STIMATE: variants seen among roughly 807,000 people sequenced by gnomAD.
STIMATE encodes store-operated calcium entry regulator STIMATE.
STIMATE carries 15 observed loss-of-function variants against 36.7 expected under a neutral mutation model. The ratio of observed to expected loss-of-function variants is 0.41; its 90% CI spans 0.27 to 0.63. The LOEUF (loss-of-function observed/expected upper bound fraction) is 0.63, where lower values mean the gene tolerates loss of function less well. STIMATE is among the 20% of genes least tolerant of loss of function. STIMATE has a pLI of 0.32. For synonymous variants in STIMATE, 163 were observed against 162.3 expected, an observed-to-expected ratio of 1.00 and a Z score of -0.03; for missense variants, 305 against 397.3, an observed-to-expected ratio of 0.77 and a Z score of 1.98.
intron 6 of STIMATE, chr3:52,843,248 G>A (rs1365724136): frequency 6.3e-6 from 3 of 477,690 alleles, no homozygotes; most frequent in East Asian, 4.1e-5. Flanking sequence ...CAAGGTCTCT[G>A]GACACGCGTT....
chr3:52,889,144 C>T (rs1346131589), intron 1 of STIMATE, among the ~76,000 whole-genome samples: 2 of 152,172 alleles, frequency 1.3e-5, no homozygotes, highest in Non-Finnish European at 2.9e-5. Flanking sequence ...AGTAAGTCAG[C>T]GGAGAAGGCT....
chr3:52,874,249 GTACA>G (rs1701461928), intron 1 of STIMATE, among the ~76,000 whole-genome samples: 1 of 152,122 alleles, frequency 6.6e-6, no homozygotes, highest in Non-Finnish European at 1.5e-5. Context: ...GAGTTTTATG[GTACA>G]TAAATTATAC....
At chr3:52,895,981 T>C (rs1306436680) in intron 1 of STIMATE, 4 of 1,286,746 alleles carry the variant, frequency 3.1e-6, no homozygotes, top group Non-Finnish European at 3.0e-6. Context: ...GGTATTTGTT[T>C]AGCAGAGAAA....
chr3:52,838,858 A>G lies in STIMATE; in HGVS notation c.*1636T>C, dbSNP rs2336155. ...GAAACACGTGCTCATGCAGGTCTAA[A>G]AGGAAGGTCCTAAGTGGAGTGGCCT... On this transcript the variant is annotated 3_prime_UTR_variant, in exon 8 of 8. Coordinates refer to ENST00000355083, the MANE Select transcript of STIMATE (RefSeq NM_198563.5). The G allele has an allele frequency of 0.89, 135,581 of 152,294 alleles. 62,249 individuals are homozygous for G. Among genetic ancestry groups the G allele is most frequent in the Non-Finnish European group, 1 (67,965 of 68,052 alleles). The allele number at this position is 152,294 out of a possible 1,614,324, so 9.4% of individuals were successfully genotyped here. A position where few individuals can be genotyped will look rare whatever the true frequency, so the allele number is the denominator to read the frequency against.
chr3:52,857,906 T>C (rs1701137796), intron 1 of STIMATE, among the ~76,000 whole-genome samples: 1 of 152,012 alleles, frequency 6.6e-6, no homozygotes, highest in Admixed American at 6.6e-5. Flanking sequence ...GAAGGGGTAA[T>C]TAAGGTTTAA....
chr3:52,851,801 TG>T (rs1446958737), intron 3 of STIMATE, among the ~76,000 whole-genome samples: 4 of 137,868 alleles, frequency 2.9e-5, no homozygotes, highest in Non-Finnish European at 6.3e-5. Flanking sequence ...GAAAGTTCTA[TG>T]TTCCATCCTC....
At position 52,838,777 on chromosome 3, in the gene STIMATE, G is replaced by T. The variant is rs1044899840; in HGVS notation, c.*1717C>A. ...CTGAGAGGCAGAGGGCAGTCCCAGG[G>T]TACCTGGTTTAACAGCTGGGTTCAT... On this transcript the variant is annotated 3_prime_UTR_variant, in exon 8 of 8. Coordinates refer to ENST00000355083, the MANE Select transcript of STIMATE (RefSeq NM_198563.5). 8.2e-5 allele frequency: 12 copies of T among 146,270 alleles called. No individual in the cohort carries two copies. The highest frequency in any genetic ancestry group is 6.3e-4 in the Admixed American group (9 of 14,176). 9.1% of individuals were successfully genotyped at this position (146,270 alleles called of 1,614,324 possible).
chr3:52,842,563 C>T (rs1324175424), intron 7 of STIMATE, among the ~76,000 whole-genome samples: 2 of 152,230 alleles, frequency 1.3e-5, no homozygotes, highest in South Asian at 2.1e-4. Context: ...GAGGAACTGT[C>T]GCAGGCAAGC....
chr3:52,896,470 C>CG (rs398038706), intron 1 of STIMATE, among the ~76,000 whole-genome samples: 1 of 152,096 alleles, frequency 6.6e-6, no homozygotes, highest in East Asian at 1.9e-4. Context: ...AGCCCCCCCC[C>CG]ACCCCCCATC....
chr3:52,864,798 T>G (rs979239492), intron 1 of STIMATE, among the ~76,000 whole-genome samples: 7 of 152,170 alleles, frequency 4.6e-5, no homozygotes, highest in Non-Finnish European at 1.5e-5. Context: ...AGGGGCAAAG[T>G]GCCACCAGTC....
At chr3:52,854,204 C>T (rs1275902837) in intron 2 of STIMATE, among the ~76,000 whole-genome samples, 1 of 152,140 alleles carries the variant, frequency 6.6e-6, no homozygotes, top group African/African-American at 2.4e-5. Context: ...TGGCCTTGGT[C>T]CTGATACGAG....
intron 1 of STIMATE, among the ~76,000 whole-genome samples, chr3:52,874,915 A>T (rs1299938131): frequency 6.6e-5 from 10 of 152,342 alleles, no homozygotes; most frequent in South Asian, 2.1e-4. Flanking sequence ...ACTAAATTAC[A>T]ATTTTGCACA....
At chr3:52,879,987 T>C (rs976923957) in intron 1 of STIMATE, among the ~76,000 whole-genome samples, 1 of 152,246 alleles carries the variant, frequency 6.6e-6, no homozygotes, top group Non-Finnish European at 1.5e-5. Context: ...TGTATCACAA[T>C]GATGTCTTCT....
At chr3:52,890,029 A>C (rs2106733679) in intron 1 of STIMATE, among the ~76,000 whole-genome samples, 1 of 150,934 alleles carries the variant, frequency 6.6e-6, no homozygotes, top group African/African-American at 2.4e-5. Flanking sequence ...TGCTCTTACC[A>C]CCCCCTCCAT....
intron 1 of STIMATE, among the ~76,000 whole-genome samples, chr3:52,893,217 A>G (rs1178703704): frequency 6.6e-6 from 1 of 152,186 alleles, no homozygotes; most frequent in Non-Finnish European, 1.5e-5. Context: ...TGGACTGGAT[A>G]TGAGATGATA....
chr3:52,891,097 T>A (rs867176469), intron 1 of STIMATE, among the ~76,000 whole-genome samples: 18 of 149,214 alleles, frequency 1.2e-4, no homozygotes, highest in South Asian at 4.3e-4. Context: ...TAAATAAAAA[T>A]AATTATCAAG....
chr3:52,896,040 G>A, intron 1 of STIMATE: 1 of 904,456 alleles, frequency 1.1e-6, no homozygotes, highest in Non-Finnish European at 1.6e-6. Context: ...GGCAAACATA[G>A]ACAGTTGGGC....
In STIMATE at chr3:52,837,568, GC is replaced by G. The variant is rs1448581438; in HGVS notation, c.*2925del. 1.3e-5 allele frequency: 2 copies of G among 152,400 alleles called. No individual in the cohort carries two copies. Among genetic ancestry groups the G allele is most frequent in the Non-Finnish European group, 2.9e-5 (2 of 68,162 alleles). 9.4% of individuals were successfully genotyped at this position (152,400 alleles called of 1,614,324 possible). A position where few individuals can be genotyped will look rare whatever the true frequency, so the allele number is the denominator to read the frequency against. ...TGCCATTGTCAACAACCCTCTGACA[GC>G]AAAAGGAAGTAACAGTACCAACCAC... On this transcript the variant is annotated 3_prime_UTR_variant, in exon 8 of 8. Coordinates refer to ENST00000355083, the MANE Select transcript of STIMATE (RefSeq NM_198563.5).
chr3:52,861,353 A>G (rs1575334982), intron 1 of STIMATE, among the ~76,000 whole-genome samples: 1 of 152,246 alleles, frequency 6.6e-6, no homozygotes, highest in East Asian at 1.9e-4. Context: ...AGATGCACCA[A>G]TTGTCCCCAA....
Sources: allele counts gnomAD v4.1 joint callset (sites outside exome capture counted in the v4.1 genomes callset), GRCh38; gene constraint gnomAD v4.1.1; transcripts MANE v1.5; gene names NCBI Gene and HGNC (gene_info 2026-07-23, HGNC 2026-07-21).